The following SPG7 variants were observed in gnomAD, a reference collection of about 807,000 sequenced individuals.
SPG7 encodes SPG7 matrix AAA peptidase subunit, paraplegin.
Under a neutral mutation model 81.9 loss-of-function variants are expected in SPG7, and 103 were observed. The ratio of observed to expected loss-of-function variants is 1.26; its 90% CI spans 1.07 to 1.48. SPG7 has a LOEUF of 1.48. SPG7 is among the 40% of genes most tolerant of loss of function. The probability of loss-of-function intolerance (pLI) is 0.00; values close to 1 mark genes in which losing one functional copy is unlikely to be tolerated. For missense variants in SPG7, 1,241 were observed against 1,087.3 expected, an observed-to-expected ratio of 1.14 and a Z score of -1.99; for synonymous variants, 534 against 444.2, an observed-to-expected ratio of 1.20 and a Z score of -2.54.
intron 3 of SPG7, chr16:89,520,307 GAAGTT>G (rs1316413876): frequency 1.3e-5 from 2 of 158,060 alleles, no homozygotes; most frequent in African/African-American, 2.4e-5. Context: ...GGGTTGAACA[GAAGTT>G]AAGGACTTCA....
intron 15 of SPG7, 117 bp downstream of exon 15, chr16:89,554,077 C>G: frequency 9.1e-7 from 1 of 1,095,460 alleles, no homozygotes; most frequent in Non-Finnish European, 1.3e-6. Context: ...CAGGCCCCAC[C>G]TGGGTTTCTT....
In SPG7 at chr16:89,531,915, C is replaced by A. The variant is rs2058347707; in HGVS notation, c.999C>A (p.Arg333=). ...CTGCTGCCGTCCAGAGCCCAGAACG[C>A]TTCCTCCAGCTTGGCGCCAAGGTCC... ...EFVDYLKSPE[R]FLQLGAKVPK... is the part of the protein sequence containing the mutation. The change falls in exon 8 of 17, where the codon CGC becomes CGA. Residue 333 remains arginine, a synonymous_variant. Coordinates refer to ENST00000645818, the MANE Select transcript of SPG7 (RefSeq NM_003119.4). 6.2e-7 allele frequency: 1 copy of A among 1,614,146 alleles called. No individual in the cohort carries two copies. The highest frequency in any genetic ancestry group is 8.5e-7 in the Non-Finnish European group (1 of 1,179,978).
intron 3 of SPG7, chr16:89,521,423 A>C (rs1422234313): frequency 6.6e-6 from 1 of 152,246 alleles, no homozygotes; most frequent in East Asian, 1.9e-4. Flanking sequence ...TGTTTATTGT[A>C]GACCAAATCC....
At chr16:89,549,125 T>TTTAACCACGCCGCGGTCC (rs2152410615) in intron 12 of SPG7, 1 of 456,628 alleles carries the variant, frequency 2.2e-6, no homozygotes, top group East Asian at 6.9e-5. Context: ...CTTACTGAAA[T>TTTAACCACGCCGCGGTCC]TTATTTTCGT....
rs1021281015 is a variant in SPG7 at position 89,544,950 on chromosome 16, C to T, written c.1449+178C>T. ...GCACGCCCCCAGCAGACCTGCCCAC[C>T]GGCTGCACTCACTGCTGTGGCCCCC... On this transcript the variant is annotated intron_variant, in intron 10 of 16. Coordinates refer to ENST00000645818, the MANE Select transcript of SPG7 (RefSeq NM_003119.4). 90 of 715,368 alleles carry T rather than the reference C, an allele frequency of 1.3e-4. No individual in the cohort carries two copies. The Admixed American group carries it at 1.4e-3, about 11-fold the overall frequency. 44.3% of individuals were successfully genotyped at this position (715,368 alleles called of 1,614,324 possible). A position where few individuals can be genotyped will look rare whatever the true frequency, so the allele number is the denominator to read the frequency against.
Position 89,546,757 on chromosome 16 carries a change from A to G in SPG7, c.1549A>G (p.Ser517Gly), listed in dbSNP as rs1173084680. ...TCTGGCAGAGCTGACACCAGGATTC[A>G]GTGGTACGTTCTCAACCCGCAGCCT... ...QRLAELTPGF[S>G]GADIANICNE... The change falls in exon 11 of 17, where the codon AGT becomes GGT. Residue 517 changes from serine (S) to glycine (G), a missense_variant. Transcript: ENST00000645818. The G allele has an allele frequency of 4.4e-6, 7 of 1,607,130 alleles. No homozygotes were observed. The highest frequency in any genetic ancestry group is 4.3e-6 in the Non-Finnish European group (5 of 1,173,648).
intron 3 of SPG7, among the ~76,000 whole-genome samples, chr16:89,516,345 C>T (rs2058095900): frequency 6.6e-6 from 1 of 151,294 alleles, no homozygotes; most frequent in African/African-American, 2.4e-5. Context: ...AGTTCGAGAC[C>T]AGCCTGGCTA....
At chr16:89,516,457 G>A (rs1476309089) in intron 3 of SPG7, among the ~76,000 whole-genome samples, 6 of 152,186 alleles carry the variant, frequency 3.9e-5, no homozygotes, top group Middle Eastern at 3.4e-3. Context: ...AGTCTGAGGC[G>A]TGAGCATCGT....
intron 3 of SPG7, among the ~76,000 whole-genome samples, chr16:89,514,827 G>C (rs1597607421): frequency 6.6e-6 from 1 of 151,520 alleles, no homozygotes; most frequent in African/African-American, 2.4e-5. Context: ...ATGAGGTTTT[G>C]TCTTGTTGGC....
intron 3 of SPG7, among the ~76,000 whole-genome samples, chr16:89,515,569 C>T (rs1156611299): frequency 1.4e-5 from 2 of 147,460 alleles, no homozygotes; most frequent in Non-Finnish European, 3.0e-5. Context: ...GCCCGGCTGA[C>T]CTTTTTATAA....
chr16:89,534,002 T>G (rs143722598), intron 9 of SPG7, among the ~76,000 whole-genome samples: 5 of 152,006 alleles, frequency 3.3e-5, no homozygotes, highest in African/African-American at 1.2e-4. Context: ...AGCGAGACCC[T>G]GTCTCTAAAA....
At chr16:89,552,657 C>T (rs570662289) in intron 13 of SPG7, 43 of 387,082 alleles carry the variant, frequency 1.1e-4, no homozygotes, top group Non-Finnish European at 1.9e-4. Context: ...GAGGGGTCAG[C>T]GCAGCGGCCA....
In SPG7 at chr16:89,541,427, G is replaced by A. The variant is rs149738871; in HGVS notation, c.1325-3221G>A. 383 of 741,766 alleles carry A rather than the reference G, an allele frequency of 5.2e-4. 1 individual carries two copies. In the African/African-American group the frequency reaches 6.6e-3, roughly 13 times the overall value. 45.9% of individuals were successfully genotyped at this position (741,766 alleles called of 1,614,324 possible). ...TAACAAAATTCTGGGGATGGAGAAC[G>A]GGTTACTGGTTGTCAGCAGTTAGGG... On this transcript the variant is annotated intron_variant, in intron 9 of 16. Transcript: ENST00000645818.
chr16:89,544,899 T>C, intron 10 of SPG7, 127 bp downstream of exon 10: 1 of 1,190,962 alleles, frequency 8.4e-7, no homozygotes, highest in South Asian at 1.2e-5. Flanking sequence ...GTGCTGGCAG[T>C]GTCCAGCGTG....
chr16:89,511,148 T>C (rs1567894453), intron 2 of SPG7, among the ~76,000 whole-genome samples: 1 of 152,194 alleles, frequency 6.6e-6, no homozygotes, highest in Non-Finnish European at 1.5e-5. Flanking sequence ...AAGTTGTCCT[T>C]TTTTAAAAAA....
At chr16:89,540,866 C>T in intron 9 of SPG7, 5 of 978,290 alleles carry the variant, frequency 5.1e-6, no homozygotes, top group Non-Finnish European at 6.1e-6. Context: ...GCTCATTTAC[C>T]TGTAATAGCT....
Position 89,546,569 on chromosome 16 carries a change from G to GAAGCT in SPG7, c.1450-89_1450-88insAAGCT, listed in dbSNP as rs2058565958. ...CACACTTGTAATCCCAGCTACTTGG[G>GAAGCT]GACCCCCCCCCCCCACAGACAAACA... On this transcript the variant is annotated intron_variant, in intron 10 of 16. Coordinates refer to ENST00000645818, the MANE Select transcript of SPG7 (RefSeq NM_003119.4). 3.2e-6 allele frequency: 3 copies of GAAGCT among 932,292 alleles called. No individual in the cohort carries two copies. The African/African-American group carries it at 5.3e-5, about 17-fold the overall frequency. The allele number at this position is 932,292 out of a possible 1,614,324, so 57.8% of individuals were successfully genotyped here. A position where few individuals can be genotyped will look rare whatever the true frequency, so the allele number is the denominator to read the frequency against.
chr16:89,546,733 C>G lies in SPG7; in HGVS notation c.1525C>G (p.Leu509Val). ...GTCCAGCACCTTTTACTCCCAGCGT[C>G]TGGCAGAGCTGACACCAGGATTCAG... ...TQSSTFYSQR[L>V]AELTPGFSGA... Residue 509 changes from leucine (L) to valine (V), a missense_variant, in exon 11 of 17, where the codon CTG becomes GTG. Physicochemically the swap from Leu to Val is conservative, Grantham distance 32 (BLOSUM62 1). Coordinates refer to ENST00000645818, the MANE Select transcript of SPG7 (RefSeq NM_003119.4). 1 of 1,612,992 alleles carries G rather than the reference C, an allele frequency of 6.2e-7. No individual in the cohort carries two copies.
rs565999869 is a variant in SPG7, at chr16:89,525,327, A to C, written c.619-1002A>C. Among the ~76,000 whole-genome samples the C allele has an allele frequency of 3.3e-5, 5 of 152,362 alleles. No individual in the cohort carries two copies. The East Asian group carries it at 9.6e-4, about 29-fold the overall frequency. ...CTTAAAATACACCATGGCTAAGTGC[A>C]GAAGACGGTGCTCATTCACGTAAAT... On this transcript the variant is annotated intron_variant, in intron 4 of 16. Transcript: ENST00000645818.
Sources: allele counts gnomAD v4.1 joint callset (sites outside exome capture counted in the v4.1 genomes callset), GRCh38; gene constraint gnomAD v4.1.1; transcripts MANE v1.5; gene names NCBI Gene and HGNC (gene_info 2026-07-23, HGNC 2026-07-21).